Variants in SNTN observed in about 807,000 individuals in gnomAD.
SNTN encodes the protein sentan.
SNTN carries 13 observed loss-of-function variants against 12.3 expected under a neutral mutation model. The observed-to-expected ratio is 1.05, with a 90% CI of 0.69 to 1.67. The LOEUF (loss-of-function observed/expected upper bound fraction) is 1.67. Among genes scored for constraint, SNTN ranks in the 40% most tolerant of loss-of-function variants. SNTN has a pLI of 0.00. For missense variants in SNTN, 189 were observed against 169.8 expected, an observed-to-expected ratio of 1.11 and a Z score of -0.63; for synonymous variants, 69 against 58.5, an observed-to-expected ratio of 1.18 and a Z score of -0.82.
In SNTN at chr3:63,664,108, AT is replaced by A. The variant is rs1216753160; in HGVS notation, c.*14del. The A allele has an allele frequency of 1.4e-5, 22 of 1,583,374 alleles. No individual in the cohort carries two copies. The highest frequency in any genetic ancestry group is 1.8e-5 in the Non-Finnish European group (21 of 1,163,732). ...AATTATGAAATGAACAGTTTTAAAT[AT>A]GCTGTATAAAATAATGGCAAAAGAC... is the stretch of plus-strand genomic sequence containing the variant. On this transcript the variant is annotated 3_prime_UTR_variant, in exon 4 of 4. Coordinates refer to ENST00000343837, the MANE Select transcript of SNTN (RefSeq NM_001080537.2).
chr3:63,656,056 C>A (rs763972225), intron 2 of SNTN, among the ~76,000 whole-genome samples: 16 of 152,316 alleles, frequency 1.1e-4, no homozygotes, highest in South Asian at 6.2e-4. Context: ...CTTGAGCAAA[C>A]AACTTCTCTC....
chr3:63,665,059 A>T lies in SNTN; in HGVS notation c.*964A>T, dbSNP rs1022141615. On this transcript the variant is annotated 3_prime_UTR_variant, in exon 4 of 4. Coordinates refer to ENST00000343837, the MANE Select transcript of SNTN (RefSeq NM_001080537.2). ...TGAGCCACCAAGTCTGGCCAAGGGG[A>T]CTTTTAAGGGGGCTGGAAATGGTCT... 2.6e-5 allele frequency among the ~76,000 whole-genome samples: 4 copies of T among 151,910 alleles called. No homozygotes were observed. The highest frequency in any genetic ancestry group is 9.7e-5 in the African/African-American group (4 of 41,354).
At chr3:63,663,869 T>G in intron 3 of SNTN, 68 bp from the exon 4 acceptor site, 1 of 1,533,122 alleles carries the variant, frequency 6.5e-7, no homozygotes, top group Non-Finnish European at 9.0e-7. Context: ...ACTAAGACAT[T>G]ATTGTTTATG....
At chr3:63,656,084 A>T (rs2106939293) in intron 2 of SNTN, among the ~76,000 whole-genome samples, 1 of 152,348 alleles carries the variant, frequency 6.6e-6, no homozygotes. Context: ...TCTTCACATC[A>T]TTCACAAAAA....
chr3:63,663,738 C>T (rs1700768069), intron 3 of SNTN, 199 bp from the exon 4 acceptor site: 2 of 701,768 alleles, frequency 2.8e-6, no homozygotes, highest in Middle Eastern at 4.7e-4. Flanking sequence ...AGCCTGAGGT[C>T]CTCACCACAT....
chr3:63,663,282 G>A (rs573216969), intron 3 of SNTN, among the ~76,000 whole-genome samples: 37 of 152,260 alleles, frequency 2.4e-4, no homozygotes, highest in African/African-American at 8.7e-4. Context: ...ACCTGTCTCT[G>A]ATACTGCATC....
Position 63,661,464 on chromosome 3 carries a change from G to A in SNTN, c.285+1600G>A, listed in dbSNP as rs190817299. Among the ~76,000 whole-genome samples the A allele has an allele frequency of 5.9e-5, 9 of 152,304 alleles. No individual in the cohort carries two copies. In the East Asian group the frequency reaches 7.7e-4, roughly 13 times the overall value. The stretch of plus-strand genomic sequence containing the variant: ...CCCACTGGGGGGAGCTAAGTCAAGG[G>A]TACAACTTTCTGTGAGTGGGTGATT... On this transcript the variant is annotated intron_variant, in intron 3 of 3. Coordinates refer to ENST00000343837, the MANE Select transcript of SNTN (RefSeq NM_001080537.2).
Position 63,652,761 on chromosome 3 carries a change from C to T in SNTN, c.74C>T (p.Pro25Leu). Reference sequence around the variant, plus strand: ...GGAGATCCCAATCCTTCTGCAGCCCCAACATCCACCTGCGCACCTAGGAAA... The same window carrying T: ...GGAGATCCCAATCCTTCTGCAGCCCTAACATCCACCTGCGCACCTAGGAAA... ...LEGDPNPSAA[P>L]TSTCAPRKMP... Residue 25 changes from proline (P) to leucine (L), a missense_variant, in exon 1 of 4, where the codon CCA (proline) becomes CTA (leucine). Physicochemically the swap from Pro to Leu is moderately conservative, Grantham distance 98 (BLOSUM62 -3). Transcript: ENST00000343837. The T allele has an allele frequency of 6.2e-7, 1 of 1,614,102 alleles. No homozygotes were observed. Among genetic ancestry groups the T allele is most frequent in the Non-Finnish European group, 8.5e-7 (1 of 1,179,970 alleles).
rs150322083 is a variant in SNTN at position 63,653,090 on chromosome 3, GCACAA to G, written c.110+296_110+300del. ...TGTGTAGCATATTCTCTCAAATTAT[GCACAA>G]CAGAGAGAAATTGTTTTATATTATT... On this transcript the variant is annotated intron_variant, in intron 1 of 3. Transcript: ENST00000343837. 2.9e-3 allele frequency among the ~76,000 whole-genome samples: 447 copies of G among 152,258 alleles called. 1 individual carries two copies. Among genetic ancestry groups the G allele is most frequent in the African/African-American group, 0.01 (418 of 41,550 alleles).
At chr3:63,658,350 A>G (rs1700705907) in intron 2 of SNTN, among the ~76,000 whole-genome samples, 1 of 150,900 alleles carries the variant, frequency 6.6e-6, no homozygotes, top group Admixed American at 6.6e-5. Flanking sequence ...CCCACTCTGT[A>G]ATTTTTTTCC....
intron 2 of SNTN, among the ~76,000 whole-genome samples, chr3:63,658,689 T>A (rs1700709521): frequency 6.6e-6 from 1 of 152,046 alleles, no homozygotes; most frequent in Middle Eastern, 3.2e-3. Context: ...AGGCATGAGA[T>A]CCAGTGCCTG....
intron 2 of SNTN, among the ~76,000 whole-genome samples, chr3:63,656,937 G>A (rs959684170): frequency 6.6e-6 from 1 of 152,152 alleles, no homozygotes; most frequent in Non-Finnish European, 1.5e-5. Context: ...TCGATAGAGT[G>A]GGGGTTGATA....
chr3:63,654,021 A>G (rs1177094344), intron 1 of SNTN, among the ~76,000 whole-genome samples: 1 of 152,120 alleles, frequency 6.6e-6, no homozygotes, highest in African/African-American at 2.4e-5. Flanking sequence ...CTTCTTCACT[A>G]CTGATTCATT....
chr3:63,661,220 G>A (rs1208246402), intron 3 of SNTN, among the ~76,000 whole-genome samples: 1 of 152,122 alleles, frequency 6.6e-6, no homozygotes, highest in Admixed American at 6.6e-5. Context: ...GAAAATACCA[G>A]CCTAGGGAAA....
chr3:63,657,818 A>T (rs1315909740), intron 2 of SNTN, among the ~76,000 whole-genome samples: 1 of 152,206 alleles, frequency 6.6e-6, no homozygotes, highest in Non-Finnish European at 1.5e-5. Context: ...CAAAGATTTC[A>T]TATACTTTCT....
In SNTN at chr3:63,664,093, T is replaced by C. The variant is rs780991142; in HGVS notation, c.442T>C (p.Ter148ArgextTer24). The change falls in exon 4 of 4, where the codon TGA becomes CGA. Residue 148 changes from the stop codon to arginine (R), a stop_lost. Transcript: ENST00000343837. ...TATACGGAATGTAAAAATTATGAAA[T>C]GAACAGTTTTAAATATGCTGTATAA... is the stretch of plus-strand genomic sequence containing the variant. ...QNIRNVKIMK[*>R] The C allele has an allele frequency of 6.2e-7, 1 of 1,603,238 alleles. No homozygotes were observed. The highest frequency in any genetic ancestry group is 8.5e-7 in the Non-Finnish European group (1 of 1,175,262).
intron 3 of SNTN, 71 bp downstream of exon 3, chr3:63,659,935 C>G: frequency 6.4e-7 from 1 of 1,559,040 alleles, no homozygotes; most frequent in Non-Finnish European, 8.8e-7. Flanking sequence ...CAAATAACTC[C>G]AGCTCCAGGT....
chr3:63,659,903 C>A (rs1426982273), intron 3 of SNTN, 39 bp downstream of exon 3: 6 of 1,610,278 alleles, frequency 3.7e-6, no homozygotes, highest in Non-Finnish European at 4.2e-6. Context: ...AGAAACTACA[C>A]CCTCATGGCT....
At chr3:63,657,717 G>T (rs1700696060) in intron 2 of SNTN, among the ~76,000 whole-genome samples, 1 of 152,120 alleles carries the variant, frequency 6.6e-6, no homozygotes, top group Non-Finnish European at 1.5e-5. Flanking sequence ...TCATCAGAGG[G>T]TCAAAAAATA....
Sources: allele counts gnomAD v4.1 joint callset (sites outside exome capture counted in the v4.1 genomes callset), GRCh38; gene constraint gnomAD v4.1.1; transcripts MANE v1.5; gene names NCBI Gene and HGNC (gene_info 2026-07-23, HGNC 2026-07-21).